The following MACROD2 variants were observed in gnomAD, a reference collection of about 807,000 sequenced individuals.
MACROD2 encodes ADP-ribose glycohydrolase MACROD2.
In MACROD2, 36 loss-of-function variants were observed where a neutral mutation model predicts 70.4. That is an observed-to-expected ratio of 0.51 (90% CI 0.39 to 0.68). MACROD2 has a LOEUF of 0.68. MACROD2 is among the 30% of genes least tolerant of loss of function. The probability of loss-of-function intolerance (pLI) is 0.00; values close to 1 mark genes in which losing one functional copy is unlikely to be tolerated. For missense variants in MACROD2, 496 were observed against 538.4 expected (o/e 0.92, Z 0.78); for synonymous variants, 172 against 178.8 (o/e 0.96, Z 0.30).
intron 4 of MACROD2, among the ~76,000 whole-genome samples, chr20:14,514,662 G>A (rs997549425): frequency 6.6e-6 from 1 of 152,024 alleles, no homozygotes; most frequent in African/African-American, 2.4e-5. Context: ...GACTTAGTAG[G>A]GCCCACTAAT....
intron 9 of MACROD2, among the ~76,000 whole-genome samples, chr20:15,883,063 A>C (rs968011842): frequency 5.3e-5 from 8 of 151,990 alleles, no homozygotes; most frequent in South Asian, 2.1e-4. Flanking sequence ...AACAAAAAAA[A>C]CTGCTTAAGT....
intron 5 of MACROD2, among the ~76,000 whole-genome samples, chr20:15,015,856 A>G (rs957522421): frequency 1.1e-4 from 16 of 152,242 alleles, no homozygotes; most frequent in African/African-American, 3.9e-4. Context: ...TTGAGCATAT[A>G]GTTTTCCTCT....
chr20:15,052,104 G>A (rs1053831293), intron 5 of MACROD2, among the ~76,000 whole-genome samples: 4 of 152,092 alleles, frequency 2.6e-5, no homozygotes, highest in African/African-American at 9.7e-5. Context: ...TCACCTGACT[G>A]AGTTCCTTCT....
intron 5 of MACROD2, among the ~76,000 whole-genome samples, chr20:15,017,387 C>G (rs1480326505): frequency 6.6e-6 from 1 of 152,226 alleles, no homozygotes; most frequent in Non-Finnish European, 1.5e-5. Context: ...TGGGCAGCTC[C>G]ACCCCTGTGG....
chr20:14,355,938 C>T (rs2145561), intron 3 of MACROD2, among the ~76,000 whole-genome samples: 2,259 of 152,044 alleles, frequency 0.015, 23 homozygotes, highest in African/African-American at 0.027. Context: ...GTGTCTTTCC[C>T]GATAGAAAGA....
rs536300796 is a variant in MACROD2 at position 15,919,666 on chromosome 20, C to T, written c.776-13610C>T. 1.6e-3 allele frequency among the ~76,000 whole-genome samples: 239 copies of T among 152,030 alleles called. 1 individual carries two copies. The highest frequency in any genetic ancestry group is 5.5e-3 in the African/African-American group (229 of 41,434). ...AGGAGAATTGCATGAACCTGGGAGA[C>T]GGAGGTTGCAGTGAGCTGAGATCGC... On this transcript the variant is annotated intron_variant, in intron 10 of 17. Coordinates refer to ENST00000684519, the MANE Select transcript of MACROD2 (RefSeq NM_001351661.2).
chr20:15,044,390 G>A (rs927549320), intron 5 of MACROD2, among the ~76,000 whole-genome samples: 1 of 152,116 alleles, frequency 6.6e-6, no homozygotes, highest in Non-Finnish European at 1.5e-5. Flanking sequence ...ATTCAAAATG[G>A]CACAATCAAG....
At chr20:15,997,631 A>G (rs906488099) in intron 15 of MACROD2, among the ~76,000 whole-genome samples, 3 of 152,162 alleles carry the variant, frequency 2.0e-5, no homozygotes, top group African/African-American at 7.2e-5. Flanking sequence ...TATGTCATCT[A>G]TAAACAGAGA....
chr20:14,343,063 C>T (rs760681995), intron 3 of MACROD2, among the ~76,000 whole-genome samples: 5 of 152,022 alleles, frequency 3.3e-5, no homozygotes, highest in Non-Finnish European at 5.9e-5. Context: ...CGGGGTGTGG[C>T]AGTAGCTGGT....
intron 8 of MACROD2, among the ~76,000 whole-genome samples, chr20:15,643,064 T>C (rs1179505665): frequency 6.6e-6 from 1 of 152,212 alleles, no homozygotes; most frequent in Non-Finnish European, 1.5e-5. Flanking sequence ...ATAAGTGCAG[T>C]AACTTGATGG....
chr20:14,842,107 G>A (rs2073093796), intron 5 of MACROD2, among the ~76,000 whole-genome samples: 1 of 152,092 alleles, frequency 6.6e-6, no homozygotes, highest in Non-Finnish European at 1.5e-5. Flanking sequence ...GTGCCTTCTT[G>A]CTGCATCATG....
Position 14,742,948 on chromosome 20 carries a change from A to G in MACROD2, c.418+57989A>G, listed in dbSNP as rs917652692. On this transcript the variant is annotated intron_variant, in intron 5 of 17. Coordinates refer to ENST00000684519, the MANE Select transcript of MACROD2 (RefSeq NM_001351661.2). ...TGCCCGGCTAATTTTTTGTATTTTT[A>G]GTAGAGACGGGGTTTCACCGTTTTA... Among the ~76,000 whole-genome samples the G allele has an allele frequency of 2.0e-4, 28 of 141,556 alleles. 1 individual carries two copies. The highest frequency in any genetic ancestry group is 2.8e-4 in the African/African-American group (9 of 32,002). The allele number at this position is 141,556 out of a possible 152,430, so 92.9% of individuals were successfully genotyped here.
At chr20:15,484,903 T>G (rs1208302734) in intron 7 of MACROD2, among the ~76,000 whole-genome samples, 1 of 152,168 alleles carries the variant, frequency 6.6e-6, no homozygotes, top group Non-Finnish European at 1.5e-5. Flanking sequence ...TCAGATAAGT[T>G]GTGATTCTCT....
chr20:14,023,141 T>G (rs2053111588), intron 2 of MACROD2, among the ~76,000 whole-genome samples: 1 of 152,224 alleles, frequency 6.6e-6, no homozygotes, highest in Non-Finnish European at 1.5e-5. Context: ...TGATTTGCAT[T>G]TCTCTAGTGA....
intron 7 of MACROD2, among the ~76,000 whole-genome samples, chr20:15,468,262 A>G (rs1477847315): frequency 6.6e-6 from 1 of 152,166 alleles, no homozygotes; most frequent in Non-Finnish European, 1.5e-5. Flanking sequence ...TGAACATGTC[A>G]AGAGGATACT....
intron 5 of MACROD2, among the ~76,000 whole-genome samples, chr20:14,910,601 G>A (rs1218656237): frequency 6.6e-6 from 1 of 152,138 alleles, no homozygotes; most frequent in African/African-American, 2.4e-5. Flanking sequence ...TCCACCATTT[G>A]TCAGAGCTCT....
At chr20:15,969,695 A>G (rs939128037) in intron 13 of MACROD2, among the ~76,000 whole-genome samples, 1 of 152,076 alleles carries the variant, frequency 6.6e-6, no homozygotes, top group Non-Finnish European at 1.5e-5. Context: ...AGGAAAAGAT[A>G]TTAAGGATCT....
intron 10 of MACROD2, among the ~76,000 whole-genome samples, chr20:15,898,967 C>A (rs1449707430): frequency 6.6e-6 from 1 of 150,530 alleles, no homozygotes; most frequent in African/African-American, 2.4e-5. Context: ...TATACACATA[C>A]CTATATGTGT....
chr20:14,990,448 TA>T (rs1446420476), intron 5 of MACROD2, among the ~76,000 whole-genome samples: 3 of 151,464 alleles, frequency 2.0e-5, no homozygotes, highest in Non-Finnish European at 4.4e-5. Context: ...TAACCCCACA[TA>T]AGGCCCTTGT....
Sources: allele counts gnomAD v4.1 joint callset (sites outside exome capture counted in the v4.1 genomes callset), GRCh38; gene constraint gnomAD v4.1.1; transcripts MANE v1.5; gene names NCBI Gene and HGNC (gene_info 2026-07-23, HGNC 2026-07-21).